Variants in DDR2 observed in about 807,000 individuals in gnomAD.
DDR2 encodes discoidin domain-containing receptor 2.
DDR2 carries 27 observed loss-of-function variants against 94.9 expected under a neutral mutation model. That is an observed-to-expected ratio of 0.28 (90% confidence interval 0.21 to 0.39). The LOEUF is 0.39. Ranked by LOEUF, DDR2 falls within the 10% of genes least tolerant of loss-of-function variation. The pLI, the probability that DDR2 is intolerant of heterozygous loss-of-function variation, is 1.00. For missense variants in DDR2, 783 were observed against 1,076.0 expected, an observed-to-expected ratio of 0.73 and a Z score of 3.81; for synonymous variants, 382 against 377.2, an observed-to-expected ratio of 1.01 and a Z score of -0.15.
In DDR2 at chr1:162,644,433, G is replaced by C. The variant is rs543461454; in HGVS notation, c.-191-10778G>C. Among the ~76,000 whole-genome samples, 7 of 152,228 alleles carry C rather than the reference G, an allele frequency of 4.6e-5. No individual in the cohort carries two copies. In the South Asian group the frequency reaches 6.2e-4, roughly 14 times the overall value. On this transcript the variant is annotated intron_variant, in intron 1 of 17. Transcript: ENST00000367921. ...AAAATACTTTCAAATCCATCCTTAT[G>C]ATGATGAAGTTATTATAGTTACAAA...
chr1:162,681,616 G>A (rs901457560), intron 2 of DDR2, among the ~76,000 whole-genome samples: 1 of 152,154 alleles, frequency 6.6e-6, no homozygotes, highest in African/African-American at 2.4e-5. Context: ...TGTCTGGTTA[G>A]GCCTGCTTGC....
At chr1:162,643,605 C>T (rs1019798993) in intron 1 of DDR2, among the ~76,000 whole-genome samples, 2 of 151,626 alleles carry the variant, frequency 1.3e-5, no homozygotes, top group Non-Finnish European at 1.5e-5. Flanking sequence ...CTCAGCCTTC[C>T]GAGTAGCTGG....
At chr1:162,664,985 C>T (rs1446766802) in intron 2 of DDR2, among the ~76,000 whole-genome samples, 1 of 152,192 alleles carries the variant, frequency 6.6e-6, no homozygotes, top group African/African-American at 2.4e-5. Context: ...TTGAGCTCTG[C>T]TCGAACATAT....
chr1:162,730,540 T>C (rs998646664), intron 3 of DDR2, among the ~76,000 whole-genome samples: 2 of 152,252 alleles, frequency 1.3e-5, no homozygotes, highest in Admixed American at 6.5e-5. Flanking sequence ...TGATGTGTAC[T>C]GTCTATGTAC....
intron 13 of DDR2, chr1:162,772,475 C>A (rs1647279083): frequency 1.8e-6 from 1 of 553,540 alleles, no homozygotes; most frequent in Non-Finnish European, 3.2e-6. Context: ...TTAAGGCAGG[C>A]AAGTCACTAG....
Position 162,766,441 on chromosome 1 carries a change from A to C in DDR2, c.1162+378A>C, listed in dbSNP as rs546813675. Among the ~76,000 whole-genome samples the C allele has an allele frequency of 1.9e-3, 292 of 152,316 alleles. 2 individuals are homozygous for C. The highest frequency in any genetic ancestry group is 3.0e-3 in the Non-Finnish European group (203 of 68,022). ...ATCTCCAATTGGAGATAAATATGCC[A>C]TGTATGCATTGCTTTAGGCAGTCAT... On this transcript the variant is annotated intron_variant, in intron 10 of 17. Transcript: ENST00000367921.
Position 162,751,012 on chromosome 1 carries a change from C to T in DDR2, c.83-2083C>T, listed in dbSNP as rs1663167078. On this transcript the variant is annotated intron_variant, in intron 3 of 17. Transcript: ENST00000367921. Reference sequence around the variant, plus strand: ...AAATTAATTCAAGATGGATCAAAGACTTAAATGTTAGACCCAAAACCATAA... The same window carrying T: ...AAATTAATTCAAGATGGATCAAAGATTTAAATGTTAGACCCAAAACCATAA... Among the ~76,000 whole-genome samples the T allele has an allele frequency of 3.9e-5, 6 of 152,304 alleles. No homozygotes were observed. The South Asian group carries it at 1.0e-3, about 26-fold the overall frequency.
intron 3 of DDR2, among the ~76,000 whole-genome samples, chr1:162,722,097 T>A (rs1027807838): frequency 6.6e-6 from 1 of 150,934 alleles, no homozygotes; most frequent in Non-Finnish European, 1.5e-5. Flanking sequence ...TTAAAAAAAC[T>A]CTCTAGTATT....
At chr1:162,764,365 T>A (rs1663888970) in intron 9 of DDR2, among the ~76,000 whole-genome samples, 3 of 129,826 alleles carry the variant, frequency 2.3e-5, no homozygotes, top group Non-Finnish European at 3.3e-5. Flanking sequence ...TAAATTTAAA[T>A]GGGAAGATGA....
In DDR2 at chr1:162,765,989, G is replaced by A; in HGVS notation, c.1100-12G>A. On this transcript the variant is annotated splice_polypyrimidine_tract_variant and intron_variant, in intron 9 of 17. Transcript: ENST00000367921. Reference sequence around the variant, plus strand: ...TTCTCCCTGGCTCTGACTCACCCTTGTTTTATAACAGATGCTGCAATGTAC... The same window carrying A: ...TTCTCCCTGGCTCTGACTCACCCTTATTTTATAACAGATGCTGCAATGTAC... The A allele has an allele frequency of 1.2e-6, 2 of 1,613,690 alleles. No homozygotes were observed. Among genetic ancestry groups the A allele is most frequent in the Non-Finnish European group, 1.7e-6 (2 of 1,179,946 alleles).
At position 162,786,632 on chromosome 1, in the gene DDR2, A is replaced by G. The variant is rs1177687964; in HGVS notation, c.*6386A>G. ...CTGGGCTTTGTAACCTTTGCTCTTT[A>G]TAGTCTTTCATTCCTGGGGAAGTGA... On this transcript the variant is annotated 3_prime_UTR_variant, in exon 18 of 18. Transcript: ENST00000367921. The G allele has an allele frequency of 6.6e-6, 1 of 152,176 alleles. No homozygotes were observed. The highest frequency in any genetic ancestry group is 1.5e-5 in the Non-Finnish European group (1 of 68,052). 9.4% of individuals were successfully genotyped at this position (152,176 alleles called of 1,614,324 possible).
chr1:162,683,308 T>C lies in DDR2; in HGVS notation c.-28+27934T>C, dbSNP rs151310408. Among the ~76,000 whole-genome samples, 481 of 152,162 alleles carry C rather than the reference T, an allele frequency of 3.2e-3. 2 individuals carry two copies. Among genetic ancestry groups the C allele is most frequent in the African/African-American group, 0.011 (459 of 41,510 alleles). On this transcript the variant is annotated intron_variant, in intron 2 of 17. Coordinates refer to ENST00000367921, the MANE Select transcript of DDR2 (RefSeq NM_006182.4). ...CTGCTCCTGCCACTCCTATTCAACA[T>C]AGCACTGGAAATTCTAGCCATTATA...
intron 1 of DDR2, among the ~76,000 whole-genome samples, chr1:162,646,620 C>G (rs1657421664): frequency 6.6e-6 from 1 of 152,186 alleles, no homozygotes; most frequent in Non-Finnish European, 1.5e-5. Flanking sequence ...TCTTATGTCT[C>G]CATTTCACAT....
intron 2 of DDR2, among the ~76,000 whole-genome samples, chr1:162,656,780 C>T (rs10799856): frequency 0.83 from 122,259 of 147,412 alleles, 51,400 homozygotes; most frequent in Middle Eastern, 0.93. Flanking sequence ...TGATTTGTTC[C>T]GCTTTACCTT....
At chr1:162,755,471 C>T (rs1663413642) in intron 6 of DDR2, among the ~76,000 whole-genome samples, 168 bp downstream of exon 6, 1 of 152,138 alleles carries the variant, frequency 6.6e-6, no homozygotes, top group Non-Finnish European at 1.5e-5. Context: ...GGCTTAGGGC[C>T]CCACACTGAG....
rs1392314918 is a variant in DDR2, at chr1:162,784,208, G to A, written c.*3962G>A. 1 of 152,518 alleles carries A rather than the reference G, an allele frequency of 6.6e-6. No individual in the cohort carries two copies. Among genetic ancestry groups the A allele is most frequent in the Non-Finnish European group, 1.5e-5 (1 of 68,102 alleles). The allele number at this position is 152,518 out of a possible 1,614,324, so 9.4% of individuals were successfully genotyped here. ...CATATGTTTTGAGTAAAGGAGAATA[G>A]AAGAAGGGGAGTGTCCGCAAAATGG... On this transcript the variant is annotated 3_prime_UTR_variant, in exon 18 of 18. Coordinates refer to ENST00000367921, the MANE Select transcript of DDR2 (RefSeq NM_006182.4).
intron 1 of DDR2, among the ~76,000 whole-genome samples, chr1:162,654,109 G>A (rs10047158): frequency 0.92 from 139,291 of 152,224 alleles, 64,309 homozygotes; most frequent in Middle Eastern, 0.98. Context: ...AAGGTGAAAT[G>A]TATAGCATAC....
chr1:162,759,101 G>T (rs941483428), intron 7 of DDR2, among the ~76,000 whole-genome samples: 3 of 152,084 alleles, frequency 2.0e-5, no homozygotes, highest in African/African-American at 7.2e-5. Flanking sequence ...CAATACCTGG[G>T]ATTCTCATGA....
At chr1:162,657,886 T>C (rs1191073005) in intron 2 of DDR2, among the ~76,000 whole-genome samples, 1 of 151,464 alleles carries the variant, frequency 6.6e-6, no homozygotes, top group Non-Finnish European at 1.5e-5. Flanking sequence ...ATTCTCTCCC[T>C]CTCCCTTCCA....
Sources: gnomAD v4.1 joint callset for allele counts (sites outside exome capture counted in the v4.1 genomes callset) on GRCh38, gnomAD v4.1.1 for gene constraint, MANE v1.5 for transcripts, NCBI Gene and HGNC (gene_info 2026-07-23, HGNC 2026-07-21) for gene names.